The following MAST2 variants were observed in gnomAD, a reference collection of about 807,000 sequenced individuals.
MAST2 encodes the protein microtubule associated serine/threonine kinase 2.
In MAST2, 70 loss-of-function variants were observed where a neutral mutation model predicts 147.4. The observed-to-expected ratio is 0.47, with a 90% CI of 0.39 to 0.58. MAST2 has a LOEUF of 0.58. MAST2 is among the 20% of genes least tolerant of loss of function. MAST2 has a pLI of 0.00. For synonymous variants in MAST2, 869 were observed against 896.8 expected (o/e 0.97, Z 0.55); for missense variants, 2,080 against 2,302.3 (o/e 0.90, Z 1.98).
intron 6 of MAST2, among the ~76,000 whole-genome samples, chr1:46,002,187 C>G (rs1438374830): frequency 2.0e-5 from 3 of 152,084 alleles, no homozygotes; most frequent in Admixed American, 6.6e-5. Flanking sequence ...GAAGCCTCCC[C>G]CAAAGTCTCA....
chr1:46,017,400 G>T (rs1344759682), intron 10 of MAST2, among the ~76,000 whole-genome samples: 1 of 152,120 alleles, frequency 6.6e-6, no homozygotes, highest in Non-Finnish European at 1.5e-5. Flanking sequence ...CCTACAAAAT[G>T]GGAGAAAATT....
At chr1:45,987,777 ATTTTTTTTTTTT>A in intron 5 of MAST2, among the ~76,000 whole-genome samples, 2 of 21,804 alleles carry the variant, frequency 9.2e-5, no homozygotes, top group South Asian at 6.4e-3. Context: ...TTTTTTTTTG[ATTTTTTTTTTTT>A]TTTTTTTTTT....
chr1:45,967,771 GTGT>G (rs1661451805), intron 5 of MAST2, among the ~76,000 whole-genome samples: 1 of 152,130 alleles, frequency 6.6e-6, no homozygotes, highest in African/African-American at 2.4e-5. Flanking sequence ...GTTCAAACCT[GTGT>G]TGTTCAAAGG....
rs869216588 is a variant in MAST2, at chr1:45,994,274, C to CTTTTTTTTTTTTTTT, written c.593-3439_593-3425dup. ...GCAAGTGGCTCAAAGCCCTAACCCT[C>CTTTTTTTTTTTTTTT]TTTTTTTTTTTTTTTTTTTTTTTTT... On this transcript the variant is annotated intron_variant, in intron 5 of 28. Coordinates refer to ENST00000361297, the MANE Select transcript of MAST2 (RefSeq NM_015112.3). Among the ~76,000 whole-genome samples, 29 of 62,030 alleles carry CTTTTTTTTTTTTTTT rather than the reference C, an allele frequency of 4.7e-4. 1 individual carries two copies. The highest frequency in any genetic ancestry group is 9.7e-4 in the Admixed American group (4 of 4,126). 40.7% of individuals were successfully genotyped at this position (62,030 alleles called of 152,430 possible).
At chr1:45,831,308 A>G (rs1644949827) in intron 3 of MAST2, among the ~76,000 whole-genome samples, 1 of 152,196 alleles carries the variant, frequency 6.6e-6, no homozygotes, top group Non-Finnish European at 1.5e-5. Context: ...CTACACTTGA[A>G]GATATAAGCC....
At position 46,027,735 on chromosome 1, in the gene MAST2, C is replaced by T. The variant is rs1257716419; in HGVS notation, c.1924C>T (p.Leu642=). Reference sequence around the variant, plus strand: ...TTTATTTCTTCGTTCTTCCAGCCTCCTAATTACATCCATGGGGCACATCAA... The same window carrying T: ...TTTATTTCTTCGTTCTTCCAGCCTCTTAATTACATCCATGGGGCACATCAA... The part of the protein sequence containing the change: ...VHRDLKPDNL[L]ITSMGHIKLT... The change falls in exon 17 of 29, where the codon CTA becomes TTA. Residue 642 remains leucine (L), a synonymous_variant. Coordinates refer to ENST00000361297, the MANE Select transcript of MAST2 (RefSeq NM_015112.3). The T allele has an allele frequency of 1.9e-6, 3 of 1,608,140 alleles. No homozygotes were observed. Among genetic ancestry groups the T allele is most frequent in the Middle Eastern group, 1.7e-4 (1 of 6,032 alleles).
intron 3 of MAST2, among the ~76,000 whole-genome samples, chr1:45,829,943 C>T (rs1310140950): frequency 6.6e-6 from 1 of 151,268 alleles, no homozygotes; most frequent in Non-Finnish European, 1.5e-5. Context: ...TCTCACCTGC[C>T]TCCTGGGTTC....
chr1:46,008,219 G>A (rs1645567499), intron 8 of MAST2, 77 bp from the exon 9 acceptor site: 9 of 923,972 alleles, frequency 9.7e-6, no homozygotes, highest in Middle Eastern at 4.2e-4. Flanking sequence ...GGAGGGGCAG[G>A]GTCTCTGGGG....
chr1:45,971,994 T>C (rs576959284), intron 5 of MAST2, among the ~76,000 whole-genome samples: 2 of 152,134 alleles, frequency 1.3e-5, no homozygotes, highest in Non-Finnish European at 1.5e-5. Flanking sequence ...GTGCCTTCCA[T>C]AAAAGCATTC....
intron 3 of MAST2, among the ~76,000 whole-genome samples, chr1:45,850,902 C>T (rs1207721362): frequency 6.7e-6 from 1 of 148,626 alleles, no homozygotes; most frequent in Non-Finnish European, 1.5e-5. Context: ...GTAATGTAAT[C>T]CCTGCAGCTT....
intron 4 of MAST2, among the ~76,000 whole-genome samples, chr1:45,958,612 C>G (rs576906488): frequency 1.3e-5 from 2 of 151,414 alleles, no homozygotes; most frequent in Non-Finnish European, 2.9e-5. Flanking sequence ...CAGCACTGTT[C>G]ACTCCAGTTA....
rs953229288 is a variant in MAST2 at position 45,821,774 on chromosome 1, C to T, written c.178-2659C>T. Among the ~76,000 whole-genome samples the T allele has an allele frequency of 2.5e-4, 38 of 151,640 alleles. 1 individual carries two copies. The highest frequency in any genetic ancestry group is 8.7e-4 in the African/African-American group (36 of 41,246). Reference sequence around the variant, plus strand: ...CCTCATGATCTGCCCGCCTTGGCCTCTCAAAGTGCTGGGATTACAGGCGTG... The same window carrying T: ...CCTCATGATCTGCCCGCCTTGGCCTTTCAAAGTGCTGGGATTACAGGCGTG... On this transcript the variant is annotated intron_variant, in intron 1 of 28. Transcript: ENST00000361297.
intron 4 of MAST2, 55 bp from the exon 5 acceptor site, chr1:45,959,331 G>A: frequency 7.1e-7 from 1 of 1,412,172 alleles, no homozygotes; most frequent in Non-Finnish European, 1.0e-6. Context: ...ACCACTCAAG[G>A]TCTCTGGGCC....
intron 26 of MAST2, among the ~76,000 whole-genome samples, chr1:46,033,259 A>C (rs1646752957): frequency 6.7e-6 from 1 of 149,906 alleles, no homozygotes; most frequent in East Asian, 2.0e-4. Context: ...GAGACACAGC[A>C]AGACTCTGTT....
intron 4 of MAST2, among the ~76,000 whole-genome samples, chr1:45,931,981 G>A (rs1405815661): frequency 2.0e-5 from 3 of 152,158 alleles, no homozygotes; most frequent in Admixed American, 1.3e-4. Flanking sequence ...GTGAGCTACT[G>A]CACCCAGCAA....
chr1:45,935,530 T>C (rs1403009087), intron 4 of MAST2, among the ~76,000 whole-genome samples: 1 of 152,212 alleles, frequency 6.6e-6, no homozygotes, highest in East Asian at 1.9e-4. Flanking sequence ...TTTTAGGTTT[T>C]ACCTGTAAGC....
chr1:46,017,869 G>A (rs554331028), intron 10 of MAST2, among the ~76,000 whole-genome samples: 2 of 152,122 alleles, frequency 1.3e-5, no homozygotes, highest in African/African-American at 2.4e-5. Flanking sequence ...ACATGCACAC[G>A]TATGTTTATT....
intron 5 of MAST2, among the ~76,000 whole-genome samples, chr1:45,964,881 C>G (rs1010869096): frequency 2.0e-5 from 3 of 152,172 alleles, no homozygotes; most frequent in African/African-American, 2.4e-5. Flanking sequence ...CCTCTACGTA[C>G]TGCTTTAAAT....
At chr1:45,805,795 CTCTT>C (rs1163646422) in intron 1 of MAST2, among the ~76,000 whole-genome samples, 1 of 152,202 alleles carries the variant, frequency 6.6e-6, no homozygotes, top group African/African-American at 2.4e-5. Context: ...CCTTGTTACT[CTCTT>C]TGTTTTATAT....
Sources: gnomAD v4.1 joint callset for allele counts (sites outside exome capture counted in the v4.1 genomes callset) on GRCh38, gnomAD v4.1.1 for gene constraint, MANE v1.5 for transcripts, NCBI Gene and HGNC (gene_info 2026-07-23, HGNC 2026-07-21) for gene names.